KAZN: variants seen among roughly 807,000 people sequenced by gnomAD.
KAZN encodes kazrin.
KAZN carries 40 observed loss-of-function variants against 87.4 expected under a neutral mutation model. That is an observed-to-expected ratio of 0.46 (90% confidence interval 0.36 to 0.60). The LOEUF is 0.60. KAZN is among the 20% of genes least tolerant of loss of function. The probability of loss-of-function intolerance (pLI) is 0.00; values close to 1 mark genes in which losing one functional copy is unlikely to be tolerated. For synonymous variants in KAZN, 466 were observed against 458.3 expected, an observed-to-expected ratio of 1.02 and a Z score of -0.22; for missense variants, 898 against 1,073.9, an observed-to-expected ratio of 0.84 and a Z score of 2.29.
At chr1:14,720,379 G>A (rs111696921) in intron 1 of KAZN, among the ~76,000 whole-genome samples, 3 of 152,242 alleles carry the variant, frequency 2.0e-5, no homozygotes, top group African/African-American at 7.2e-5. Flanking sequence ...CGTCTTTCTT[G>A]GTTGTCAAAT....
At chr1:14,210,507 G>T (rs1238231997) in intron 2 of KAZN, among the ~76,000 whole-genome samples, 2 of 152,088 alleles carry the variant, frequency 1.3e-5, no homozygotes, top group Non-Finnish European at 2.9e-5. Flanking sequence ...GTGAACAATG[G>T]GGTCTAAACC....
At chr1:15,031,006 C>G (rs1381510663) in intron 2 of KAZN, among the ~76,000 whole-genome samples, 1 of 152,238 alleles carries the variant, frequency 6.6e-6, no homozygotes, top group Admixed American at 6.5e-5. Context: ...GCTCAGATCC[C>G]TCAGTCCTTA....
chr1:14,576,804 G>GA (rs141008552), intron 2 of KAZN, among the ~76,000 whole-genome samples: 3 of 152,072 alleles, frequency 2.0e-5, no homozygotes, highest in Non-Finnish European at 4.4e-5. Context: ...AAAAAAAAAG[G>GA]AAAAAAATCC....
intron 1 of KAZN, among the ~76,000 whole-genome samples, chr1:14,788,127 C>A (rs1171169317): frequency 1.3e-5 from 2 of 152,160 alleles, no homozygotes; most frequent in Non-Finnish European, 2.9e-5. Context: ...ACACAGGGCA[C>A]TTCTAAGCAT....
intron 10 of KAZN, among the ~76,000 whole-genome samples, chr1:15,101,043 C>T (rs1309218046): frequency 3.3e-5 from 5 of 152,170 alleles, no homozygotes; most frequent in African/African-American, 1.2e-4. Flanking sequence ...CCACACGTGG[C>T]CCTTCTGCTC....
In KAZN at chr1:13,962,946, A is replaced by T. The variant is rs76240860; in HGVS notation, c.91+69190A>T. 9.6e-3 allele frequency among the ~76,000 whole-genome samples: 1,459 copies of T among 152,294 alleles called. 116 individuals are homozygous for T. The East Asian group carries it at 0.18, about 19-fold the overall frequency. On this transcript the variant is annotated intron_variant, in intron 1 of 16. Coordinates refer to the KAZN transcript ENST00000636203. ...TGGTCAGGACAGCTTGCTCGAAGCC[A>T]TGGTGAATGGAGGATTTGGGGGTGT...
intron 1 of KAZN, among the ~76,000 whole-genome samples, chr1:14,145,078 A>G (rs538834811): frequency 1.4e-3 from 219 of 152,230 alleles, no homozygotes; most frequent in African/African-American, 5.1e-3. Context: ...TTCTAGGATA[A>G]GGTTCTTAGT....
chr1:15,076,796 G>A (rs977988380), intron 8 of KAZN, among the ~76,000 whole-genome samples: 2 of 152,216 alleles, frequency 1.3e-5, no homozygotes, highest in Admixed American at 6.5e-5. Context: ...ACTGCCTCGC[G>A]AGCAAGCTGG....
chr1:14,597,376 C>T (rs1484191191), upstream of KAZN, among the ~76,000 whole-genome samples: 1 of 152,138 alleles, frequency 6.6e-6, no homozygotes, highest in Non-Finnish European at 1.5e-5. Context: ...GGGGAGAAAT[C>T]TATCATCCAA....
intron 2 of KAZN, among the ~76,000 whole-genome samples, chr1:14,397,933 C>A (rs1213948753): frequency 6.6e-6 from 1 of 151,132 alleles, no homozygotes; most frequent in Non-Finnish European, 1.5e-5. Flanking sequence ...CGAGTCCTTG[C>A]CTGATTCCTC....
intron 1 of KAZN, among the ~76,000 whole-genome samples, chr1:14,960,217 A>G (rs1244584083): frequency 2.0e-5 from 3 of 152,176 alleles, no homozygotes; most frequent in Non-Finnish European, 4.4e-5. Context: ...CAGCTCTGCT[A>G]TGTACTAACT....
chr1:14,443,206 A>T (rs1666792916), intron 2 of KAZN, among the ~76,000 whole-genome samples: 1 of 152,230 alleles, frequency 6.6e-6, no homozygotes, highest in Non-Finnish European at 1.5e-5. Context: ...TTGTTTTGCA[A>T]ATCAAAAAAT....
At chr1:14,334,430 C>T (rs1342304532) in intron 2 of KAZN, among the ~76,000 whole-genome samples, 3 of 143,564 alleles carry the variant, frequency 2.1e-5, no homozygotes, top group Non-Finnish European at 4.5e-5. Context: ...ATAAAGGAGG[C>T]GTGGCCATCA....
At chr1:14,177,112 C>G (rs998863364) in intron 1 of KAZN, among the ~76,000 whole-genome samples, 1 of 151,930 alleles carries the variant, frequency 6.6e-6, no homozygotes, top group African/African-American at 2.4e-5. Flanking sequence ...GAGCTGAGAT[C>G]GAGCCACTGC....
At position 14,126,151 on chromosome 1, in the gene KAZN, C is replaced by A. The variant is rs143813616; in HGVS notation, c.92-54284C>A. Among the ~76,000 whole-genome samples the A allele has an allele frequency of 3.2e-3, 491 of 152,216 alleles. 2 individuals are homozygous for A. The highest frequency in any genetic ancestry group is 5.4e-3 in the Non-Finnish European group (369 of 67,990). ...TATGTGGACTGTGTGTGTGGTGGAG[C>A]AAAGTGAAGCTAGGATTCCTTAGGA... On this transcript the variant is annotated intron_variant, in intron 1 of 16. Coordinates refer to the KAZN transcript ENST00000636203.
chr1:14,090,311 T>A (rs1643946053), intron 1 of KAZN, among the ~76,000 whole-genome samples: 1 of 152,198 alleles, frequency 6.6e-6, no homozygotes, highest in African/African-American at 2.4e-5. Flanking sequence ...TTTTTCAGTC[T>A]CTTTTTCTCT....
chr1:13,972,826 C>T (rs149308043), intron 1 of KAZN, among the ~76,000 whole-genome samples: 10 of 152,328 alleles, frequency 6.6e-5, no homozygotes, highest in Non-Finnish European at 1.2e-4. Context: ...CAGTTAACAT[C>T]TGTAAAATTA....
At chr1:13,956,478 T>C (rs1421701268) in intron 1 of KAZN, among the ~76,000 whole-genome samples, 1 of 152,060 alleles carries the variant, frequency 6.6e-6, no homozygotes, top group East Asian at 1.9e-4. Context: ...TCCAATTCCC[T>C]GCCAGCTCAT....
intron 1 of KAZN, among the ~76,000 whole-genome samples, chr1:14,795,784 C>G (rs1195239983): frequency 1.3e-5 from 2 of 152,192 alleles, no homozygotes; most frequent in African/African-American, 4.8e-5. Context: ...GCATGACACA[C>G]ATTGCCTCCC....
Sources: allele counts gnomAD v4.1 joint callset (sites outside exome capture counted in the v4.1 genomes callset), GRCh38; gene constraint gnomAD v4.1.1; transcripts MANE v1.5; gene names NCBI Gene and HGNC (gene_info 2026-07-23, HGNC 2026-07-21).